Variants in CACNA2D1 observed in about 807,000 individuals in gnomAD.
The protein encoded by CACNA2D1 is calcium voltage-gated channel auxiliary subunit alpha2delta 1.
In CACNA2D1, 53 loss-of-function variants were observed where a neutral mutation model predicts 171.5. The observed-to-expected ratio is 0.31, with a 90% CI of 0.25 to 0.39. The LOEUF (loss-of-function observed/expected upper bound fraction) is 0.39, where lower values mean the gene tolerates loss of function less well. CACNA2D1 is among the 10% of genes least tolerant of loss of function. CACNA2D1 has a pLI of 1.00. For missense variants in CACNA2D1, 903 were observed against 1,299.8 expected, an observed-to-expected ratio of 0.69 and a Z score of 4.69; for synonymous variants, 442 against 443.1, an observed-to-expected ratio of 1.00 and a Z score of 0.03.
chr7:82,034,541 A>T (rs1554364479), intron 11 of CACNA2D1, among the ~76,000 whole-genome samples: 1 of 152,046 alleles, frequency 6.6e-6, no homozygotes, highest in Non-Finnish European at 1.5e-5. Flanking sequence ...TTTGAAGGTA[A>T]CCTATCTGAA....
chr7:82,430,752 T>C (rs1829605475), intron 1 of CACNA2D1, among the ~76,000 whole-genome samples: 1 of 152,150 alleles, frequency 6.6e-6, no homozygotes, highest in African/African-American at 2.4e-5. Flanking sequence ...CCAACTTCTG[T>C]ATTGGTTGCG....
intron 3 of CACNA2D1, among the ~76,000 whole-genome samples, chr7:82,189,121 T>C (rs1007431915): frequency 4.6e-5 from 7 of 151,980 alleles, no homozygotes; most frequent in African/African-American, 1.2e-4. Context: ...TCCCATGATA[T>C]GCAATTTATC....
At chr7:82,182,218 T>G (rs902965628) in intron 3 of CACNA2D1, among the ~76,000 whole-genome samples, 1 of 152,086 alleles carries the variant, frequency 6.6e-6, no homozygotes, top group African/African-American at 2.4e-5. Context: ...GCCAAATGCA[T>G]TAAAGTTTAT....
At chr7:82,016,058 T>G (rs1459241880) in intron 12 of CACNA2D1, among the ~76,000 whole-genome samples, 1 of 152,188 alleles carries the variant, frequency 6.6e-6, no homozygotes, top group East Asian at 1.9e-4. Context: ...AAGTTGGTTT[T>G]TTTCTCTCTC....
chr7:82,442,495 G>C (rs1170100407), intron 1 of CACNA2D1, among the ~76,000 whole-genome samples: 1 of 152,174 alleles, frequency 6.6e-6, no homozygotes, highest in Non-Finnish European at 1.5e-5. Flanking sequence ...CATTGAGTTT[G>C]ATTCTATTTT....
chr7:82,137,908 C>T (rs182803578), intron 4 of CACNA2D1, among the ~76,000 whole-genome samples: 3 of 151,894 alleles, frequency 2.0e-5, no homozygotes, highest in South Asian at 2.1e-4. Flanking sequence ...ATTTTTAAAA[C>T]GGAAATTACT....
intron 3 of CACNA2D1, among the ~76,000 whole-genome samples, chr7:82,188,571 A>T (rs932567141): frequency 1.3e-5 from 2 of 152,078 alleles, no homozygotes; most frequent in Non-Finnish European, 2.9e-5. Flanking sequence ...TGCTGATGGG[A>T]ATGTAAATTA....
At chr7:82,412,097 T>C (rs907701698) in intron 1 of CACNA2D1, among the ~76,000 whole-genome samples, 7 of 152,090 alleles carry the variant, frequency 4.6e-5, no homozygotes, top group Non-Finnish European at 7.4e-5. Context: ...CAGGCCTGTA[T>C]ATATACTTCA....
chr7:81,955,919 G>GGGGGGGGGGT, intron 38 of CACNA2D1, among the ~76,000 whole-genome samples: 1 of 58,678 alleles, frequency 1.7e-5, no homozygotes, highest in Non-Finnish European at 3.3e-5. Context: ...GGGGGGGGGG[G>GGGGGGGGGGT]GTGGTGGTCT....
chr7:82,153,011 A>C (rs2129114120), intron 4 of CACNA2D1, among the ~76,000 whole-genome samples: 1 of 151,158 alleles, frequency 6.6e-6, no homozygotes, highest in Non-Finnish European at 1.5e-5. Context: ...TGATCACCTA[A>C]GCTGATTTCT....
At chr7:82,386,522 C>T (rs1295360226) in intron 1 of CACNA2D1, among the ~76,000 whole-genome samples, 4 of 152,008 alleles carry the variant, frequency 2.6e-5, no homozygotes, top group African/African-American at 7.2e-5. Context: ...CACCAGAGGT[C>T]GGGAGTTCGA....
At chr7:82,057,598 G>A (rs1391973636) in intron 10 of CACNA2D1, among the ~76,000 whole-genome samples, 1 of 152,116 alleles carries the variant, frequency 6.6e-6, no homozygotes, top group Non-Finnish European at 1.5e-5. Flanking sequence ...CTACTGGCAG[G>A]GTTCCAGTTG....
At chr7:82,289,941 T>A (rs893440960) in intron 3 of CACNA2D1, among the ~76,000 whole-genome samples, 1 of 152,232 alleles carries the variant, frequency 6.6e-6, no homozygotes, top group Non-Finnish European at 1.5e-5. Context: ...TACCCTTAAC[T>A]TTTTTGTTGC....
At chr7:82,086,071 T>G (rs1273196763) in intron 6 of CACNA2D1, among the ~76,000 whole-genome samples, 1 of 152,144 alleles carries the variant, frequency 6.6e-6, no homozygotes, top group Non-Finnish European at 1.5e-5. Flanking sequence ...TGACAATCTC[T>G]GACCAAGCCT....
At chr7:82,409,693 T>C (rs1272630406) in intron 1 of CACNA2D1, among the ~76,000 whole-genome samples, 2 of 152,212 alleles carry the variant, frequency 1.3e-5, no homozygotes, top group Admixed American at 6.5e-5. Context: ...TACAATGTGA[T>C]TGCTGAGAGT....
At chr7:82,366,903 C>CTTTTTTTTTTTTTTTGT (rs1821793307) in intron 1 of CACNA2D1, among the ~76,000 whole-genome samples, 1 of 86,944 alleles carries the variant, frequency 1.2e-5, no homozygotes, top group Non-Finnish European at 2.3e-5. Flanking sequence ...TGGTTTTGAC[C>CTTTTTTTTTTTTTTTGT]TTTTTTTTTT....
At chr7:82,168,682 G>A (rs982889622) in intron 4 of CACNA2D1, among the ~76,000 whole-genome samples, 3 of 149,158 alleles carry the variant, frequency 2.0e-5, no homozygotes, top group African/African-American at 7.3e-5. Flanking sequence ...CTTATGTCTA[G>A]AAATTAATAA....
At chr7:82,287,124 A>G (rs1372145721) in intron 3 of CACNA2D1, among the ~76,000 whole-genome samples, 1 of 152,212 alleles carries the variant, frequency 6.6e-6, no homozygotes, top group Non-Finnish European at 1.5e-5. Flanking sequence ...GGTAATGACA[A>G]TTAGCGCCAA....
chr7:82,141,811 T>C (rs912521211), intron 4 of CACNA2D1, among the ~76,000 whole-genome samples: 2 of 152,214 alleles, frequency 1.3e-5, no homozygotes, highest in Non-Finnish European at 2.9e-5. Context: ...TTTGAGCATA[T>C]GTGTTTCTTT....
Sources: gnomAD v4.1 joint callset for allele counts (sites outside exome capture counted in the v4.1 genomes callset) on GRCh38, gnomAD v4.1.1 for gene constraint, MANE v1.5 for transcripts, NCBI Gene and HGNC (gene_info 2026-07-23, HGNC 2026-07-21) for gene names.